The following SIPA1L2 variants were observed in gnomAD, a reference collection of about 807,000 sequenced individuals.
SIPA1L2 encodes signal-induced proliferation-associated 1-like protein 2.
Under a neutral mutation model 163.9 loss-of-function variants are expected in SIPA1L2, and 56 were observed. The observed-to-expected ratio is 0.34, with a 90% CI of 0.28 to 0.43. The LOEUF (loss-of-function observed/expected upper bound fraction) is 0.43. Ranked by LOEUF, SIPA1L2 falls within the 20% of genes least tolerant of loss-of-function variation. The pLI, the probability that SIPA1L2 is intolerant of heterozygous loss-of-function variation, is 1.00. For missense variants in SIPA1L2, 1,974 were observed against 2,193.5 expected (o/e 0.90, Z 2.00); for synonymous variants, 877 against 865.7 (o/e 1.01, Z -0.23).
chr1:232,536,043 T>C (rs1274986293), intron 2 of SIPA1L2, among the ~76,000 whole-genome samples: 1 of 152,184 alleles, frequency 6.6e-6, no homozygotes, highest in Non-Finnish European at 1.5e-5. Context: ...ACACACTGCC[T>C]GGGAAGGCAT....
At chr1:232,400,017 C>T (rs1172293561) in intron 22 of SIPA1L2, among the ~76,000 whole-genome samples, 1 of 152,136 alleles carries the variant, frequency 6.6e-6, no homozygotes, top group Non-Finnish European at 1.5e-5. Flanking sequence ...ACGCCCCCAC[C>T]CTTGGCATAT....
intron 2 of SIPA1L2, among the ~76,000 whole-genome samples, chr1:232,551,608 G>C (rs533925945): frequency 3.9e-5 from 6 of 152,220 alleles, no homozygotes; most frequent in Non-Finnish European, 8.8e-5. Context: ...GTGAGAAGAA[G>C]GCCTGGAAAG....
At position 232,552,207 on chromosome 1, in the gene SIPA1L2, C is replaced by A. The variant is rs569306145; in HGVS notation, c.-270+21967G>T. ...CAAATATTTAGTGTCCAGTGCCTCA[C>A]AAAGAGCAACCGGTGATTAAATATC... is the stretch of plus-strand genomic sequence containing the variant. On this transcript the variant is annotated intron_variant, in intron 2 of 22. Coordinates refer to ENST00000674635, the MANE Select transcript of SIPA1L2 (RefSeq NM_020808.5). Among the ~76,000 whole-genome samples the A allele has an allele frequency of 7.2e-5, 11 of 152,210 alleles. No individual in the cohort carries two copies. The South Asian group carries it at 2.3e-3, about 32-fold the overall frequency.
intron 3 of SIPA1L2, among the ~76,000 whole-genome samples, chr1:232,495,703 C>CA (rs1223585136): frequency 6.6e-6 from 1 of 152,046 alleles, no homozygotes; most frequent in East Asian, 1.9e-4. Context: ...GTCAGCGACG[C>CA]AACACATATA....
chr1:232,519,362 G>A (rs748182557), intron 2 of SIPA1L2, among the ~76,000 whole-genome samples: 11 of 152,226 alleles, frequency 7.2e-5, no homozygotes, highest in South Asian at 2.1e-4. Context: ...GCTGTGTGCA[G>A]AGCTCCATTT....
In SIPA1L2 at chr1:232,479,714, C is replaced by G; in HGVS notation, c.1998G>C (p.Thr666=). 6.2e-7 allele frequency: 1 copy of G among 1,613,290 alleles called. No individual in the cohort carries two copies. The highest frequency in any genetic ancestry group is 8.5e-7 in the Non-Finnish European group (1 of 1,179,472). The change falls in exon 7 of 23, where the codon ACG becomes ACC. Residue 666 remains threonine, a synonymous_variant. Coordinates refer to ENST00000674635, the MANE Select transcript of SIPA1L2 (RefSeq NM_020808.5). ...QLDNKTDSTG[T]HSLYTTYKDY... is the part of the protein sequence containing the mutation. ...CTTTGTATGTGGTATAGAGAGAGTG[C>G]GTGCCCGTGGAATCAGCTGAAAACA...
chr1:232,508,565 A>G (rs867658551), intron 3 of SIPA1L2, among the ~76,000 whole-genome samples: 1 of 152,216 alleles, frequency 6.6e-6, no homozygotes, highest in Non-Finnish European at 1.5e-5. Flanking sequence ...TGATGCTCAC[A>G]TGACTGACCG....
At chr1:232,602,351 A>G (rs1298903363) in intron 1 of SIPA1L2, among the ~76,000 whole-genome samples, 2 of 152,022 alleles carry the variant, frequency 1.3e-5, no homozygotes, top group Non-Finnish European at 2.9e-5. Context: ...TGTTTATTTA[A>G]GATGGAGTCT....
chr1:232,514,180 A>G lies in SIPA1L2; in HGVS notation c.1160T>C (p.Leu387Pro). The change falls in exon 3 of 23, where the codon CTC becomes CCC. Residue 387 changes from leucine (L) to proline (P), a missense_variant. Physicochemically the swap from Leu to Pro is moderately conservative, Grantham distance 98. This residue lies in a region of SIPA1L2 where 607 missense variants were observed against 624.0 expected (regional missense o/e 0.97). Coordinates refer to ENST00000674635, the MANE Select transcript of SIPA1L2 (RefSeq NM_020808.5). ...GGCATCCAGGTTCTCTTTGGAGTTG[A>G]GGTCCTCCTTGCTCCCTAAAGGGGA... ...CESPLGSKED[L>P]NSKENLDADE... 1 of 1,614,196 alleles carries G rather than the reference A, an allele frequency of 6.2e-7. No homozygotes were observed. The highest frequency in any genetic ancestry group is 8.5e-7 in the Non-Finnish European group (1 of 1,180,036).
intron 1 of SIPA1L2, among the ~76,000 whole-genome samples, chr1:232,605,626 G>A (rs1661872444): frequency 6.6e-6 from 1 of 152,102 alleles, no homozygotes; most frequent in East Asian, 1.9e-4. Flanking sequence ...CCTGGGAGGC[G>A]GAGGTTGCAG....
intron 1 of SIPA1L2, among the ~76,000 whole-genome samples, chr1:232,585,114 T>C (rs895985011): frequency 1.3e-5 from 2 of 152,218 alleles, no homozygotes; most frequent in African/African-American, 4.8e-5. Context: ...CTAACTTCTG[T>C]AATAAATGTA....
At chr1:232,458,242 C>A (rs1267691764) in intron 10 of SIPA1L2, among the ~76,000 whole-genome samples, 1 of 152,186 alleles carries the variant, frequency 6.6e-6, no homozygotes, top group African/African-American at 2.4e-5. Context: ...AAATAAATAT[C>A]TTGCCTAGCT....
intron 2 of SIPA1L2, among the ~76,000 whole-genome samples, chr1:232,552,671 A>G (rs1018268060): frequency 5.3e-5 from 8 of 152,180 alleles, no homozygotes; most frequent in African/African-American, 1.7e-4. Context: ...CACACAGCCA[A>G]TAAGTATCTG....
chr1:232,425,472 T>A (rs753184287), intron 18 of SIPA1L2, 117 bp downstream of exon 18: 41 of 726,634 alleles, frequency 5.6e-5, no homozygotes, highest in Non-Finnish European at 8.1e-5. Context: ...TAATATATAT[T>A]TAATAAAAAC....
upstream of SIPA1L2, among the ~76,000 whole-genome samples, chr1:232,630,493 G>A (rs1406944448): frequency 6.6e-6 from 1 of 152,188 alleles, no homozygotes; most frequent in Non-Finnish European, 1.5e-5. Context: ...CCCCTCTGAG[G>A]AATAAGTTAA....
intron 16 of SIPA1L2, among the ~76,000 whole-genome samples, chr1:232,431,893 C>T (rs1462059641): frequency 1.3e-5 from 2 of 152,198 alleles, no homozygotes; most frequent in Non-Finnish European, 2.9e-5. Flanking sequence ...GTCACTTACA[C>T]GGCAACTTTA....
intron 1 of SIPA1L2, among the ~76,000 whole-genome samples, chr1:232,621,859 G>A (rs938575232): frequency 4.6e-5 from 7 of 151,760 alleles, no homozygotes; most frequent in Non-Finnish European, 8.8e-5. Flanking sequence ...CCTCCCCAGT[G>A]GCTAGGTCGA....
intron 19 of SIPA1L2, among the ~76,000 whole-genome samples, chr1:232,414,760 C>T (rs1457511157): frequency 1.3e-5 from 2 of 152,168 alleles, no homozygotes; most frequent in Non-Finnish European, 2.9e-5. Flanking sequence ...AAGGGCAAAA[C>T]GTCATAAGTC....
At chr1:232,553,582 A>C (rs1658529296) in intron 2 of SIPA1L2, among the ~76,000 whole-genome samples, 1 of 152,168 alleles carries the variant, frequency 6.6e-6, no homozygotes, top group Non-Finnish European at 1.5e-5. Context: ...TACACGTGGA[A>C]AGTGGCCAGG....
Sources: gnomAD v4.1 joint callset for allele counts (sites outside exome capture counted in the v4.1 genomes callset) on GRCh38, gnomAD v4.1.1 for gene constraint, gnomAD v4.1.1 regional missense constraint, MANE v1.5 for transcripts, NCBI Gene and HGNC (gene_info 2026-07-23, HGNC 2026-07-21) for gene names.